The following STK32A variants were observed in gnomAD, a reference collection of about 807,000 sequenced individuals.
The protein encoded by STK32A is serine/threonine-protein kinase 32A.
A neutral mutation model predicts 53.2 loss-of-function variants in STK32A; 41 were observed. The ratio of observed to expected loss-of-function variants is 0.77; its 90% CI spans 0.60 to 1.00. STK32A has a LOEUF of 1.00. STK32A is among the 50% of genes least tolerant of loss of function. The pLI, the probability that STK32A is intolerant of heterozygous loss-of-function variation, is 0.00. For missense variants in STK32A, 458 were observed against 485.8 expected (o/e 0.94, Z 0.54); for synonymous variants, 166 against 162.8 (o/e 1.02, Z -0.15).
chr5:147,394,392 A>T, the STK32A span, among the ~76,000 whole-genome samples: 11 of 152,198 alleles, frequency 7.2e-5, no homozygotes, highest in Admixed American at 3.3e-4. Flanking sequence ...AAGAAGAACA[A>T]TGACAAAGAC....
intron 2 of STK32A, among the ~76,000 whole-genome samples, chr5:147,251,308 T>C (rs1486771471): frequency 6.6e-6 from 1 of 152,184 alleles, no homozygotes; most frequent in East Asian, 1.9e-4. Context: ...CTCAGGGAGT[T>C]CAATTTGGAA....
In STK32A at chr5:147,279,360, C is replaced by T. The variant is rs368509052; in HGVS notation, c.222C>T (p.Ile74=). The T allele has an allele frequency of 9.3e-6, 15 of 1,608,248 alleles. No individual in the cohort carries two copies. Among genetic ancestry groups the T allele is most frequent in the African/African-American group, 1.3e-5 (1 of 74,854 alleles). The change falls in exon 4 of 13, where the codon ATC becomes ATT. Residue 74 remains isoleucine, a synonymous_variant. Coordinates refer to ENST00000397936, the MANE Select transcript of STK32A (RefSeq NM_001112724.2). ...EVRNVFKELQ[I]MQGLEHPFLV... Reference sequence around the variant, plus strand: ...GAAATGTCTTCAAGGAACTCCAGATCATGCAGGGTCTGGAGCACCCTTTCC... The same window carrying T: ...GAAATGTCTTCAAGGAACTCCAGATTATGCAGGGTCTGGAGCACCCTTTCC...
chr5:147,241,161 A>C (rs1753553911), intron 2 of STK32A, among the ~76,000 whole-genome samples: 1 of 152,196 alleles, frequency 6.6e-6, no homozygotes, highest in South Asian at 2.1e-4. Flanking sequence ...TTAGTTTTGA[A>C]TCTTGGGATG....
chr5:147,364,987 A>G (rs1344268022), intron 8 of STK32A, among the ~76,000 whole-genome samples: 1 of 152,178 alleles, frequency 6.6e-6, no homozygotes, highest in Non-Finnish European at 1.5e-5. Flanking sequence ...ATCCCACAGA[A>G]CTAAAGAATT....
intron 4 of STK32A, among the ~76,000 whole-genome samples, chr5:147,322,948 G>A (rs921561573): frequency 2.0e-5 from 3 of 152,142 alleles, no homozygotes; most frequent in African/African-American, 7.2e-5. Context: ...GCCTTCTCCA[G>A]ACACAAGTTT....
chr5:147,351,041 T>C (rs1255726738), intron 6 of STK32A, 24 bp from the exon 7 acceptor site: 1 of 1,607,610 alleles, frequency 6.2e-7, no homozygotes, highest in Non-Finnish European at 8.5e-7. Context: ...CTTAACTTTC[T>C]GTGTGGTTCT....
intron 2 of STK32A, among the ~76,000 whole-genome samples, chr5:147,264,029 A>G (rs1179684231): frequency 2.6e-5 from 4 of 152,226 alleles, no homozygotes; most frequent in Non-Finnish European, 5.9e-5. Flanking sequence ...AGATAAGAGC[A>G]AAGCCTTCAA....
intron 9 of STK32A, among the ~76,000 whole-genome samples, chr5:147,372,719 A>G (rs969126749): frequency 3.3e-5 from 5 of 152,180 alleles, no homozygotes; most frequent in African/African-American, 1.2e-4. Flanking sequence ...AATTAGTTGT[A>G]AAAACAGCTA....
intron 5 of STK32A, among the ~76,000 whole-genome samples, chr5:147,330,902 T>C (rs950752574): frequency 3.3e-5 from 5 of 152,250 alleles, no homozygotes; most frequent in Admixed American, 2.6e-4. Flanking sequence ...TTATGTTTGT[T>C]TTAACTGAGG....
intron 5 of STK32A, among the ~76,000 whole-genome samples, chr5:147,338,757 A>G (rs577372668): frequency 6.6e-6 from 1 of 152,282 alleles, no homozygotes; most frequent in South Asian, 2.1e-4. Flanking sequence ...GACTGGTGAC[A>G]TTTTTCCCCT....
chr5:147,340,545 C>T (rs1487536805), intron 5 of STK32A, among the ~76,000 whole-genome samples: 1 of 152,164 alleles, frequency 6.6e-6, no homozygotes, highest in Non-Finnish European at 1.5e-5. Flanking sequence ...CACTAAGTTT[C>T]TTTTCATTTT....
intron 6 of STK32A, among the ~76,000 whole-genome samples, chr5:147,349,312 C>A (rs1356394247): frequency 6.6e-6 from 1 of 152,204 alleles, no homozygotes; most frequent in Non-Finnish European, 1.5e-5. Context: ...TAGCAGCAGG[C>A]TGGATACTAT....
At chr5:147,317,348 G>C (rs1239846101) in intron 4 of STK32A, among the ~76,000 whole-genome samples, 3 of 4,216 alleles carry the variant, frequency 7.1e-4, no homozygotes, top group Non-Finnish European at 1.3e-3. Flanking sequence ...TTTTTTTTTT[G>C]AGAGAGTCTC....
intron 8 of STK32A, among the ~76,000 whole-genome samples, chr5:147,363,053 TC>T (rs1756581858): frequency 6.6e-6 from 1 of 151,598 alleles, no homozygotes; most frequent in African/African-American, 2.4e-5. Flanking sequence ...GCCACTGCAC[TC>T]CAGCCTGAGC....
chr5:147,400,885 C>T, the STK32A span: 4 of 1,590,798 alleles, frequency 2.5e-6, no homozygotes, highest in Middle Eastern at 1.7e-4. Flanking sequence ...TGGAGGCACA[C>T]TGGGAGCTTA....
intron 2 of STK32A, among the ~76,000 whole-genome samples, chr5:147,252,422 C>T (rs1754038433): frequency 6.6e-6 from 1 of 152,102 alleles, no homozygotes; most frequent in Admixed American, 6.6e-5. Context: ...TAGAATTGGC[C>T]TGATTGCTTT....
the STK32A span, chr5:147,397,718 G>A: frequency 6.2e-7 from 1 of 1,614,140 alleles, no homozygotes; most frequent in East Asian, 2.2e-5. Flanking sequence ...CGGGCTGCAG[G>A]GTATGAAGCG....
chr5:147,389,466 C>A (rs1021317193), downstream of STK32A, among the ~76,000 whole-genome samples: 1 of 152,116 alleles, frequency 6.6e-6, no homozygotes, highest in South Asian at 2.1e-4. Flanking sequence ...GAGTACATGC[C>A]CCAAGCCAGA....
intron 2 of STK32A, among the ~76,000 whole-genome samples, chr5:147,269,797 T>C (rs909646560): frequency 6.6e-6 from 1 of 152,168 alleles, no homozygotes; most frequent in Non-Finnish European, 1.5e-5. Context: ...AATAACCACA[T>C]AACCAAGATA....
Sources: allele counts gnomAD v4.1 joint callset (sites outside exome capture counted in the v4.1 genomes callset), GRCh38; gene constraint gnomAD v4.1.1; transcripts MANE v1.5; gene names NCBI Gene and HGNC (gene_info 2026-07-23, HGNC 2026-07-21).